FGF1: variants seen among roughly 807,000 people sequenced by gnomAD.
The protein encoded by FGF1 is beta-endothelial cell growth factor.
FGF1 carries 9 observed loss-of-function variants against 13.4 expected under a neutral mutation model. The observed-to-expected ratio is 0.67, with a 90% CI of 0.40 to 1.17. The LOEUF is 1.17. Among genes scored for constraint, FGF1 ranks in the 50% most tolerant of loss-of-function variants. The pLI is 0.01. For synonymous variants in FGF1, 93 were observed against 79.0 expected, an observed-to-expected ratio of 1.18 and a Z score of -0.94; for missense variants, 156 against 192.7, an observed-to-expected ratio of 0.81 and a Z score of 1.13.
chr5:142,598,628 C>G (rs2151817356), intron 3 of FGF1, among the ~76,000 whole-genome samples: 1 of 152,190 alleles, frequency 6.6e-6, no homozygotes, highest in South Asian at 2.1e-4. Context: ...ATATACATAT[C>G]CTTTCCACAC....
chr5:142,620,155 C>A lies in FGF1; in HGVS notation c.-34-5994G>T, dbSNP rs145338871. 2.6e-5 allele frequency among the ~76,000 whole-genome samples: 4 copies of A among 151,802 alleles called. No individual in the cohort carries two copies. The East Asian group carries it at 7.7e-4, about 29-fold the overall frequency. On this transcript the variant is annotated intron_variant, in intron 1 of 3. Coordinates refer to ENST00000337706, the MANE Select transcript of FGF1 (RefSeq NM_000800.5). ...AAACTCGGCTGGGCGCGGTGGCTCACGCCTGTAATCCCACCACTTTGGGAG... is the reference window on the plus strand; with the variant it reads ...AAACTCGGCTGGGCGCGGTGGCTCAAGCCTGTAATCCCACCACTTTGGGAG...
chr5:142,614,901 G>T (rs375742305), intron 1 of FGF1, among the ~76,000 whole-genome samples: 1 of 152,146 alleles, frequency 6.6e-6, no homozygotes, highest in African/African-American at 2.4e-5. Context: ...GCTTCATGTG[G>T]CACAGAGAAG....
upstream of FGF1, among the ~76,000 whole-genome samples, chr5:142,689,694 G>GTTT (rs5871823): frequency 2.2e-3 from 250 of 115,458 alleles, 15 homozygotes; most frequent in East Asian, 0.03. Context: ...CTCGATCCTA[G>GTTT]TTTTTTTTTT....
At chr5:142,639,155 A>G (rs1764757008) in intron 1 of FGF1, among the ~76,000 whole-genome samples, 1 of 152,070 alleles carries the variant, frequency 6.6e-6, no homozygotes, top group Non-Finnish European at 1.5e-5. Flanking sequence ...ATGATCCAGC[A>G]ATCCTACTAT....
At position 142,595,357 on chromosome 5, in the gene FGF1, C is replaced by T. The variant is rs145843967; in HGVS notation, c.401G>A (p.Arg134His). Residue 134 changes from arginine (R) to histidine (H), a missense_variant, in exon 4 of 4, where the codon CGC becomes CAC. Arg to His is a conservative substitution (Grantham distance 29). Transcript: ENST00000337706. ...VGLKKNGSCKRGPRTHYGQKA... is the reference protein window; with the variant it reads ...VGLKKNGSCKHGPRTHYGQKA... The stretch of plus-strand genomic sequence containing the variant: ...CTGGCCATAGTGAGTCCGAGGACCG[C>T]GTTTGCAGCTCCCATTCTTCTTGAG... The T allele has an allele frequency of 2.2e-5, 35 of 1,613,928 alleles. No individual in the cohort carries two copies. The South Asian group carries it at 3.2e-4, about 15-fold the overall frequency.
intron 1 of FGF1, among the ~76,000 whole-genome samples, chr5:142,617,051 T>C (rs915815979): frequency 6.6e-6 from 1 of 151,682 alleles, no homozygotes; most frequent in Non-Finnish European, 1.5e-5. Flanking sequence ...CCTCTGATTG[T>C]GGGGCAATTT....
chr5:142,601,849 G>T (rs1274176533), intron 2 of FGF1, among the ~76,000 whole-genome samples: 1 of 152,230 alleles, frequency 6.6e-6, no homozygotes, highest in Admixed American at 6.5e-5. Context: ...GGAATCCAAT[G>T]TCCATTTGAT....
intron 1 of FGF1, among the ~76,000 whole-genome samples, chr5:142,635,765 A>G (rs1367728242): frequency 1.3e-5 from 2 of 152,210 alleles, no homozygotes; most frequent in African/African-American, 4.8e-5. Context: ...ATGTTCAACA[A>G]GATTCCACAG....
At chr5:142,678,353 A>G (rs1773045812) in intron 1 of FGF1, among the ~76,000 whole-genome samples, 1 of 152,174 alleles carries the variant, frequency 6.6e-6, no homozygotes, top group Non-Finnish European at 1.5e-5. Context: ...GACTTTTTAC[A>G]TACGGATCAT....
intron 1 of FGF1, among the ~76,000 whole-genome samples, chr5:142,662,783 A>G (rs1460008783): frequency 6.6e-6 from 1 of 152,212 alleles, no homozygotes; most frequent in African/African-American, 2.4e-5. Flanking sequence ...TAAATACTGA[A>G]AATAAATAAA....
intron 1 of FGF1, among the ~76,000 whole-genome samples, chr5:142,664,905 C>T (rs1215780947): frequency 5.9e-5 from 9 of 152,136 alleles, no homozygotes; most frequent in Admixed American, 5.9e-4. Flanking sequence ...TACCTAAACT[C>T]ATAGGGTTAT....
intron 1 of FGF1, among the ~76,000 whole-genome samples, chr5:142,675,044 C>T (rs763308016): frequency 2.6e-5 from 4 of 152,200 alleles, no homozygotes; most frequent in African/African-American, 7.2e-5. Context: ...GGTTCAGGGG[C>T]GGCGTGAGGT....
At chr5:142,689,381 A>G (rs1751770517), upstream of FGF1, among the ~76,000 whole-genome samples, 1 of 152,232 alleles carries the variant, frequency 6.6e-6, no homozygotes, top group African/African-American at 2.4e-5. Context: ...AAGCGCCACG[A>G]TGACAGAGGG....
At chr5:142,639,444 A>G (rs754652930) in intron 1 of FGF1, among the ~76,000 whole-genome samples, 5 of 152,056 alleles carry the variant, frequency 3.3e-5, no homozygotes, top group Non-Finnish European at 5.9e-5. Context: ...AGAGGACATT[A>G]TGCTAAGTGA....
chr5:142,692,887 A>C (rs1752472943), intron 2 of FGF1, among the ~76,000 whole-genome samples: 1 of 152,226 alleles, frequency 6.6e-6, no homozygotes, highest in Non-Finnish European at 1.5e-5. Context: ...TTTCTTATTT[A>C]AATTCCTGAT....
At chr5:142,678,133 T>C (rs1162573267) in intron 1 of FGF1, among the ~76,000 whole-genome samples, 1 of 152,112 alleles carries the variant, frequency 6.6e-6, no homozygotes, top group Non-Finnish European at 1.5e-5. Flanking sequence ...TGATGTCGGA[T>C]GGGTAAGAGT....
At chr5:142,644,748 T>G (rs984898015) in intron 1 of FGF1, among the ~76,000 whole-genome samples, 3 of 152,230 alleles carry the variant, frequency 2.0e-5, no homozygotes, top group Non-Finnish European at 4.4e-5. Flanking sequence ...GTTAGCTCCC[T>G]GAGGACAAGG....
At chr5:142,626,972 G>A (rs1762562673) in intron 1 of FGF1, 1 of 152,238 alleles carries the variant, frequency 6.6e-6, no homozygotes, top group Non-Finnish European at 1.5e-5. Flanking sequence ...TGTCTTCTCT[G>A]TAAAATGAAG....
chr5:142,624,204 G>A (rs1298617951), intron 1 of FGF1, among the ~76,000 whole-genome samples: 3 of 152,154 alleles, frequency 2.0e-5, no homozygotes, highest in African/African-American at 7.2e-5. Flanking sequence ...ACAGGCGTGA[G>A]CCACCATGCC....
Sources: gnomAD v4.1 joint callset for allele counts (sites outside exome capture counted in the v4.1 genomes callset) on GRCh38, gnomAD v4.1.1 for gene constraint, MANE v1.5 for transcripts, NCBI Gene and HGNC (gene_info 2026-07-23, HGNC 2026-07-21) for gene names.